The following ABL2 variants were observed in gnomAD, a reference collection of about 807,000 sequenced individuals.
ABL2 encodes the protein ABL proto-oncogene 2, non-receptor tyrosine kinase.
Under a neutral mutation model 107.7 loss-of-function variants are expected in ABL2, and 49 were observed. The observed-to-expected ratio is 0.45, with a 90% CI of 0.36 to 0.58. ABL2 has a LOEUF of 0.58. Among genes scored for constraint, ABL2 ranks in the 20% least tolerant of loss-of-function variants. The probability of loss-of-function intolerance (pLI) is 0.00; values close to 1 mark genes in which losing one functional copy is unlikely to be tolerated. For missense variants in ABL2, 1,245 were observed against 1,457.0 expected (o/e 0.85, Z 2.37); for synonymous variants, 549 against 548.6 (o/e 1.00, Z -0.01).
intron 1 of ABL2, among the ~76,000 whole-genome samples, chr1:179,192,231 A>G (rs1246523734): frequency 6.6e-6 from 1 of 152,186 alleles, no homozygotes; most frequent in Non-Finnish European, 1.5e-5. Context: ...TGGCATCTTG[A>G]GCATGCTAGT....
rs549839738 is a variant in ABL2, at chr1:179,132,073, A to G, written c.221-592T>C. On this transcript the variant is annotated intron_variant, in intron 2 of 11. Transcript: ENST00000502732. Reference sequence around the variant, plus strand: ...AGAAAAATATCTTTTTTTGGCCAACATGGCAAAAAATAATCTTTTTTTCGT... The same window carrying G: ...AGAAAAATATCTTTTTTTGGCCAACGTGGCAAAAAATAATCTTTTTTTCGT... Among the ~76,000 whole-genome samples the G allele has an allele frequency of 2.6e-5, 4 of 152,342 alleles. No individual in the cohort carries two copies. In the East Asian group the frequency reaches 7.7e-4, roughly 29 times the overall value.
intron 1 of ABL2, among the ~76,000 whole-genome samples, chr1:179,179,669 C>T (rs907211427): frequency 2.6e-5 from 4 of 151,980 alleles, no homozygotes; most frequent in Admixed American, 6.6e-5. Flanking sequence ...ATACACAAAA[C>T]GCAGAGAAGC....
Position 179,107,904 on chromosome 1 carries a change from T to C in ABL2, c.3363A>G (p.Ser1121=). ...TTTGAGGGATGCAGTCCACATAGCCTGAGCAGTAGTCAAGCAGCTGGTGTC... is the reference window on the plus strand; with the variant it reads ...TTTGAGGGATGCAGTCCACATAGCCCGAGCAGTAGTCAAGCAGCTGGTGTC... ...DTGHQLLDYC[S]GYVDCIPQTR... is the part of the protein sequence containing the mutation. Residue 1121 remains serine (S), a synonymous_variant, in exon 12 of 12, where the codon TCA becomes TCG. Coordinates refer to ENST00000502732, the MANE Select transcript of ABL2 (RefSeq NM_007314.4). The C allele has an allele frequency of 6.2e-7, 1 of 1,614,220 alleles. No individual in the cohort carries two copies. The highest frequency in any genetic ancestry group is 2.2e-5 in the East Asian group (1 of 44,886).
intron 1 of ABL2, among the ~76,000 whole-genome samples, chr1:179,184,755 T>C (rs1353185966): frequency 6.6e-6 from 1 of 152,198 alleles, no homozygotes; most frequent in African/African-American, 2.4e-5. Context: ...TGGGAGTAAG[T>C]TGCAGTCTTT....
rs549539427 is a variant in ABL2 at position 179,109,154 on chromosome 1, G to T, written c.2113C>A (p.Pro705Thr). ...LQHADGFSFT[P>T]AQQEANLVPP... The stretch of plus-strand genomic sequence containing the variant: ...ACCAGATTCGCCTCTTGCTGGGCAG[G>T]AGTGAAAGAGAACCCATCAGCATGC... The change falls in exon 12 of 12, where the codon CCT (proline) becomes ACT (threonine). Residue 705 changes from proline to threonine, a missense_variant. Coordinates refer to ENST00000502732, the MANE Select transcript of ABL2 (RefSeq NM_007314.4). 5.0e-6 allele frequency: 8 copies of T among 1,613,660 alleles called. No individual in the cohort carries two copies. Among genetic ancestry groups the T allele is most frequent in the Non-Finnish European group, 6.8e-6 (8 of 1,179,968 alleles).
intron 1 of ABL2, among the ~76,000 whole-genome samples, chr1:179,148,043 T>TC (rs1456833081): frequency 2.7e-5 from 4 of 149,538 alleles, no homozygotes; most frequent in Non-Finnish European, 4.5e-5. Flanking sequence ...TCTTTTCTTT[T>TC]TTTTTTTTTT....
intron 1 of ABL2, among the ~76,000 whole-genome samples, chr1:179,183,477 AAG>A (rs1007788091): frequency 2.0e-5 from 3 of 152,202 alleles, no homozygotes; most frequent in African/African-American, 7.2e-5. Context: ...TCTCAACAAA[AAG>A]AGTGCATCTT....
At chr1:179,120,951 C>T (rs1655133029) in intron 5 of ABL2, among the ~76,000 whole-genome samples, 1 of 152,162 alleles carries the variant, frequency 6.6e-6, no homozygotes, top group Non-Finnish European at 1.5e-5. Flanking sequence ...AGATCATAAT[C>T]TTCTTAGAGA....
At chr1:179,164,744 T>C (rs1228397547) in intron 1 of ABL2, among the ~76,000 whole-genome samples, 2 of 152,214 alleles carry the variant, frequency 1.3e-5, no homozygotes, top group African/African-American at 4.8e-5. Context: ...TATGGAAGCA[T>C]GCAACAACTG....
At chr1:179,143,490 A>G (rs1171797106) in intron 1 of ABL2, among the ~76,000 whole-genome samples, 1 of 152,114 alleles carries the variant, frequency 6.6e-6, no homozygotes, top group Admixed American at 6.5e-5. Context: ...GCCTAACAAG[A>G]CTCATCTTTT....
In ABL2 at chr1:179,099,677, G is replaced by A. The variant is rs568742526; in HGVS notation, c.*8041C>T. The A allele has an allele frequency of 3.9e-5, 9 of 231,162 alleles. No individual in the cohort carries two copies. In the South Asian group the frequency reaches 9.1e-4, roughly 23 times the overall value. 14.3% of individuals were successfully genotyped at this position (231,162 alleles called of 1,614,324 possible). On this transcript the variant is annotated 3_prime_UTR_variant, in exon 12 of 12. Transcript: ENST00000502732. ...CTCTGTGCACCACATACACACCTGC[G>A]GGGCGGGACCTTTGGTATAAACGTT...
chr1:179,119,162 C>T (rs903781582), intron 6 of ABL2, among the ~76,000 whole-genome samples: 1 of 152,076 alleles, frequency 6.6e-6, no homozygotes. Context: ...ACTATGTGAG[C>T]CCCACCTGCA....
chr1:179,134,195 T>C (rs1299520307), intron 1 of ABL2, among the ~76,000 whole-genome samples: 3 of 152,202 alleles, frequency 2.0e-5, no homozygotes, highest in African/African-American at 4.8e-5. Flanking sequence ...TACACAAACA[T>C]ATAAGTGACA....
intron 1 of ABL2, among the ~76,000 whole-genome samples, chr1:179,217,134 A>C (rs1662607059): frequency 6.6e-6 from 1 of 151,146 alleles, no homozygotes; most frequent in African/African-American, 2.4e-5. Context: ...TCTCTACTAA[A>C]AATACAAAAA....
intron 1 of ABL2, among the ~76,000 whole-genome samples, chr1:179,188,351 G>A (rs1038685154): frequency 6.6e-6 from 1 of 152,058 alleles, no homozygotes; most frequent in Non-Finnish European, 1.5e-5. Flanking sequence ...AGATGAGCCT[G>A]GCCAATATGG....
In ABL2 at chr1:179,126,428, C is replaced by T. The variant is rs1388322358; in HGVS notation, c.636G>A (p.Arg212=). ...SSPGQLSISL[R]YEGRVYHYRI... is the part of the protein sequence containing the mutation. ...TGTAGTGATACACACGTCCCTCGTACCTGAGCGAGATGGACAGCTGCCCAG... is the reference window on the plus strand; with the variant it reads ...TGTAGTGATACACACGTCCCTCGTATCTGAGCGAGATGGACAGCTGCCCAG... The change falls in exon 4 of 12, where the codon AGG becomes AGA. Residue 212 remains arginine (R), a synonymous_variant. Coordinates refer to ENST00000502732, the MANE Select transcript of ABL2 (RefSeq NM_007314.4). This position sits in a 1 kb window ranked among gnomAD's most constrained non-coding sequence, Gnocchi z 4.4. The T allele has an allele frequency of 6.2e-7, 1 of 1,614,170 alleles. No homozygotes were observed. The highest frequency in any genetic ancestry group is 2.2e-5 in the East Asian group (1 of 44,886).
At chr1:179,205,743 A>G (rs2816218) in intron 1 of ABL2, among the ~76,000 whole-genome samples, 72,990 of 152,040 alleles carry the variant, frequency 0.48, 17,684 homozygotes, top group Admixed American at 0.54. Context: ...GTTGTTGTGG[A>G]TACTAACTTA....
At chr1:179,218,609 AG>A (rs1284300585) in intron 1 of ABL2, among the ~76,000 whole-genome samples, 1 of 152,146 alleles carries the variant, frequency 6.6e-6, no homozygotes, top group Non-Finnish European at 1.5e-5. Flanking sequence ...GTAGGCCAGG[AG>A]GATGGTCTTG....
intron 3 of ABL2, among the ~76,000 whole-genome samples, chr1:179,129,626 G>A (rs1341341795): frequency 6.6e-6 from 1 of 150,996 alleles, no homozygotes; most frequent in East Asian, 2.0e-4. Context: ...AGCTTGCAGT[G>A]AGCCGAGACT....
Sources: gnomAD v4.1 joint callset for allele counts (sites outside exome capture counted in the v4.1 genomes callset) on GRCh38, gnomAD v4.1.1 for gene constraint, Gnocchi (gnomAD v3.1) non-coding constraint, MANE v1.5 for transcripts, NCBI Gene and HGNC (gene_info 2026-07-23, HGNC 2026-07-21) for gene names.